ARHGAP39: variants seen among roughly 807,000 people sequenced by gnomAD.
ARHGAP39 encodes the protein rho GTPase-activating protein 39.
ARHGAP39 carries 44 observed loss-of-function variants against 106.9 expected under a neutral mutation model. That is an observed-to-expected ratio of 0.41 (90% CI 0.32 to 0.53). ARHGAP39 has a LOEUF of 0.53. ARHGAP39 is among the 20% of genes least tolerant of loss of function. The probability of loss-of-function intolerance (pLI) is 0.21; values close to 1 mark genes in which losing one functional copy is unlikely to be tolerated. For missense variants in ARHGAP39, 1,496 were observed against 1,577.3 expected, an observed-to-expected ratio of 0.95 and a Z score of 0.87; for synonymous variants, 768 against 693.2, an observed-to-expected ratio of 1.11 and a Z score of -1.69.
At chr8:144,594,051 T>C (rs889685454) in intron 2 of ARHGAP39, among the ~76,000 whole-genome samples, 3 of 139,276 alleles carry the variant, frequency 2.2e-5, no homozygotes, top group South Asian at 4.4e-4. Context: ...ATCACAGCAC[T>C]GCACTCCAGC....
chr8:144,691,153 C>T, the ARHGAP39 span, among the ~76,000 whole-genome samples: 1 of 152,228 alleles, frequency 6.6e-6, no homozygotes, highest in East Asian at 1.9e-4. Context: ...TGGCTCAGGA[C>T]ACTTCCTCAA....
Position 144,646,002 on chromosome 8 carries a change from GGATA to G in ARHGAP39, c.-82+39680_-82+39683del, listed in dbSNP as rs2130992422. 6.6e-6 allele frequency among the ~76,000 whole-genome samples: 1 copy of G among 152,352 alleles called. No individual in the cohort carries two copies. Among genetic ancestry groups the G allele is most frequent in the East Asian group, 1.9e-4 (1 of 5,182 alleles). On this transcript the variant is annotated intron_variant, in intron 1 of 11. Coordinates refer to ENST00000377307, the MANE Select transcript of ARHGAP39 (RefSeq NM_025251.3). The surrounding 1 kb of genome is among the most constrained non-coding windows in gnomAD (Gnocchi z 5.7). ...CCCAGCTGGCTCTGTGGCCGAGGCA[GGATA>G]GCTAGAGAAGGTAACCACATTGAAC... is the stretch of plus-strand genomic sequence containing the variant.
chr8:144,552,819 C>T (rs1163486065), intron 4 of ARHGAP39, among the ~76,000 whole-genome samples: 3 of 151,702 alleles, frequency 2.0e-5, no homozygotes, highest in African/African-American at 4.8e-5. Flanking sequence ...TTTCCCTGAG[C>T]GAACTGCATC....
chr8:144,682,289 C>T (rs1822444560), intron 1 of ARHGAP39, among the ~76,000 whole-genome samples: 1 of 142,278 alleles, frequency 7.0e-6, no homozygotes, highest in South Asian at 2.2e-4. Context: ...GTGGCTCACT[C>T]CTGTAATCCC....
intron 1 of ARHGAP39, among the ~76,000 whole-genome samples, chr8:144,656,875 T>C (rs1420688578): frequency 6.7e-6 from 1 of 148,532 alleles, no homozygotes; most frequent in Non-Finnish European, 1.5e-5. Context: ...ATCAAACCAC[T>C]TTAACCAACA....
At chr8:144,700,122 G>T in the ARHGAP39 span, among the ~76,000 whole-genome samples, 2 of 152,162 alleles carry the variant, frequency 1.3e-5, no homozygotes, top group Non-Finnish European at 2.9e-5. The surrounding 1 kb of genome is among the most constrained non-coding windows in gnomAD (Gnocchi z 5.6). Context: ...ACGAAGGCGC[G>T]AACGTTCCAG....
At chr8:144,580,633 A>C in intron 3 of ARHGAP39, among the ~76,000 whole-genome samples, 1 of 100,212 alleles carries the variant, frequency 1.0e-5, no homozygotes, top group African/African-American at 4.0e-5. Flanking sequence ...GGCCCCGCCC[A>C]CCACCGTCAC....
chr8:144,637,009 C>A (rs2130984231), intron 1 of ARHGAP39, among the ~76,000 whole-genome samples: 1 of 152,340 alleles, frequency 6.6e-6, no homozygotes, highest in South Asian at 2.1e-4. Flanking sequence ...AATCTTCAAT[C>A]TGTTCTCAGG....
intron 6 of ARHGAP39, among the ~76,000 whole-genome samples, chr8:144,541,009 G>A (rs1817168412): frequency 6.6e-6 from 1 of 152,100 alleles, no homozygotes; most frequent in Non-Finnish European, 1.5e-5. Context: ...CCGCCACCAT[G>A]CCTGACTAAT....
chr8:144,580,159 T>G (rs1442633498), intron 3 of ARHGAP39, among the ~76,000 whole-genome samples: 1 of 152,080 alleles, frequency 6.6e-6, no homozygotes, highest in Non-Finnish European at 1.5e-5. Context: ...GGCAGGGGTC[T>G]CCTGGGCTCC....
At chr8:144,632,095 C>T (rs544000272) in intron 1 of ARHGAP39, among the ~76,000 whole-genome samples, 1 of 152,306 alleles carries the variant, frequency 6.6e-6, no homozygotes, top group Non-Finnish European at 1.5e-5. Context: ...GAGCTTCTGA[C>T]CTCCAAAGTG....
At chr8:144,683,929 T>C (rs940077568) in intron 1 of ARHGAP39, among the ~76,000 whole-genome samples, 4 of 152,214 alleles carry the variant, frequency 2.6e-5, no homozygotes, top group African/African-American at 9.6e-5. Context: ...AAACACAGTG[T>C]GCCACGAACA....
At position 144,547,226 on chromosome 8, in the gene ARHGAP39, G is replaced by A. The variant is rs1817468874; in HGVS notation, c.1860C>T (p.Gly620=). 4.3e-6 allele frequency: 7 copies of A among 1,612,614 alleles called. No homozygotes were observed. The highest frequency in any genetic ancestry group is 5.9e-6 in the Non-Finnish European group (7 of 1,179,796). The change falls in exon 5 of 12, where the codon GGC becomes GGT. Residue 620 remains glycine (G), a synonymous_variant. Transcript: ENST00000377307. This position sits in a 1 kb window ranked among gnomAD's most constrained non-coding sequence, Gnocchi z 5.2. ...GGGGGAAGCCTAGCTTCTCGAAGGT[G>A]CCCCTCCTCCAGTGCCTGTTCTCCT... ...AQQENRHWRR[G]TFEKLGFPQI...
chr8:144,592,894 G>A (rs151320951), intron 2 of ARHGAP39, among the ~76,000 whole-genome samples: 3,546 of 152,290 alleles, frequency 0.023, 86 homozygotes, highest in Admixed American at 0.064. Context: ...GAGGTGGGGA[G>A]GACATTGTGT....
At chr8:144,588,806 C>G (rs748475964) in intron 2 of ARHGAP39, among the ~76,000 whole-genome samples, 1 of 152,254 alleles carries the variant, frequency 6.6e-6, no homozygotes, top group Non-Finnish European at 1.5e-5. Flanking sequence ...GCGTGCTCAC[C>G]GCGCCGTGAC....
intron 3 of ARHGAP39, among the ~76,000 whole-genome samples, chr8:144,558,932 G>A (rs1038052883): frequency 1.3e-5 from 2 of 151,948 alleles, no homozygotes; most frequent in East Asian, 1.9e-4. Flanking sequence ...AACTAGGGCC[G>A]GGCACGGTAG....
At chr8:144,537,686 A>T (rs1298927484) in intron 7 of ARHGAP39, 35 bp downstream of exon 7, 16 of 1,583,234 alleles carry the variant, frequency 1.0e-5, no homozygotes, top group Non-Finnish European at 1.4e-5. Flanking sequence ...AGCTGTGCAG[A>T]CGCCGCGCCC....
At chr8:144,532,440 G>A (rs370900954) in intron 9 of ARHGAP39, 44 bp from the exon 10 acceptor site, 23 of 1,551,146 alleles carry the variant, frequency 1.5e-5, no homozygotes, top group Non-Finnish European at 1.9e-5. Context: ...AGCCTGTGCT[G>A]CGGCTTCATG....
intron 1 of ARHGAP39, among the ~76,000 whole-genome samples, chr8:144,639,871 C>T (rs960033305): frequency 1.3e-5 from 2 of 152,134 alleles, no homozygotes; most frequent in Non-Finnish European, 2.9e-5. Flanking sequence ...CACACAATAG[C>T]CTGTTTCTTG....
Sources: allele counts gnomAD v4.1 joint callset (sites outside exome capture counted in the v4.1 genomes callset), GRCh38; gene constraint gnomAD v4.1.1; non-coding constraint Gnocchi (gnomAD v3.1); transcripts MANE v1.5; gene names NCBI Gene and HGNC (gene_info 2026-07-23, HGNC 2026-07-21).